Variants in POLRMT observed in about 807,000 individuals in gnomAD.
POLRMT encodes RNA polymerase mitochondrial, also known as DNA-directed RNA polymerase, mitochondrial.
A neutral mutation model predicts 132.2 loss-of-function variants in POLRMT; 114 were observed. That is an observed-to-expected ratio of 0.86 (90% CI 0.74 to 1.01). The LOEUF (loss-of-function observed/expected upper bound fraction) is 1.01, where lower values mean the gene tolerates loss of function less well. Among genes scored for constraint, POLRMT ranks in the 50% least tolerant of loss-of-function variants. POLRMT has a pLI of 0.00. For missense variants in POLRMT, 2,003 were observed against 1,729.1 expected (o/e 1.16, Z -2.81); for synonymous variants, 1,020 against 773.4 (o/e 1.32, Z -5.29).
In POLRMT at chr19:630,155, C is replaced by A. The variant is rs747583919; in HGVS notation, c.207G>T (p.Arg69=). The change falls in exon 3 of 21, where the codon CGG becomes CGT. Residue 69 remains arginine (R), a synonymous_variant. Transcript: ENST00000588649. ...HVELLEVLQA[R]VRQLQAESVS... is the part of the protein sequence containing the mutation. ...CGCTCTCAGCCTGCAGCTGCCGCAC[C>A]CGCGCCTGGAGCACTGTGAGGGGCA... 4 of 1,596,818 alleles carry A rather than the reference C, an allele frequency of 2.5e-6. No individual in the cohort carries two copies. Among genetic ancestry groups the A allele is most frequent in the Non-Finnish European group, 3.4e-6 (4 of 1,169,958 alleles).
At chr19:628,634 G>C (rs923235564) in intron 3 of POLRMT, among the ~76,000 whole-genome samples, 16 of 149,086 alleles carry the variant, frequency 1.1e-4, no homozygotes, top group Admixed American at 2.7e-4. Context: ...AGGATCATGG[G>C]GGGGGAGAAA....
intron 3 of POLRMT, among the ~76,000 whole-genome samples, chr19:627,205 G>A (rs1207862208): frequency 6.8e-6 from 1 of 146,696 alleles, no homozygotes; most frequent in East Asian, 2.0e-4. Context: ...AGGCTGGAGT[G>A]CAGTGGCTCG....
At chr19:617,350 T>C (rs1213818142) in intron 20 of POLRMT, 27 bp from the exon 21 acceptor site, 5 of 1,612,392 alleles carry the variant, frequency 3.1e-6, no homozygotes, top group Non-Finnish European at 4.2e-6. Context: ...GCGGACGGCG[T>C]GGGTGGCGGG....
intron 8 of POLRMT, 62 bp from the exon 9 acceptor site, chr19:622,435 C>A: frequency 1.4e-6 from 2 of 1,475,712 alleles, no homozygotes; most frequent in South Asian, 1.3e-5. Context: ...GCCCCACCGC[C>A]CGTGCCTGAC....
At chr19:631,957 T>C (rs956634845) in intron 2 of POLRMT, among the ~76,000 whole-genome samples, 2 of 152,202 alleles carry the variant, frequency 1.3e-5, no homozygotes, top group African/African-American at 4.8e-5. Flanking sequence ...GTATTTTTAG[T>C]AGAGACAGTG....
Position 624,847 on chromosome 19 carries a change from G to C in POLRMT, c.1012C>G (p.Leu338Val), listed in dbSNP as rs1204569170. 5 of 1,613,108 alleles carry C rather than the reference G, an allele frequency of 3.1e-6. No homozygotes were observed. The highest frequency in any genetic ancestry group is 2.7e-5 in the African/African-American group (2 of 74,930). ...GTGGCCCGATCCTCCTCAGACAGCA[G>C]AACGGCGGTGAAGAGTGCCTGCAGC... is the stretch of plus-strand genomic sequence containing the variant. ...LKLQALFTAV[L>V]LSEEDRATVL... The change falls in exon 5 of 21, where the codon CTG (leucine) becomes GTG (valine). Residue 338 changes from leucine (L) to valine (V), a missense_variant. By Grantham distance (32) the Leu-to-Val change is conservative. Coordinates refer to ENST00000588649, the MANE Select transcript of POLRMT (RefSeq NM_005035.4).
chr19:629,621 G>A lies in POLRMT; in HGVS notation c.741C>T (p.Val247=), dbSNP rs370208277. 6.2e-5 allele frequency: 100 copies of A among 1,608,484 alleles called. No homozygotes were observed. In the African/African-American group the frequency reaches 9.0e-4, roughly 14 times the overall value. Residue 247 remains valine, a synonymous_variant, in exon 3 of 21, where the codon GTC becomes GTT. Transcript: ENST00000588649. The part of the protein sequence containing the change: ...DQLPLAHHLL[V]VHHGQRQKRK... ...GCTTCTGCCGCTGGCCGTGGTGGAC[G>A]ACCAGCAGGTGGTGGGCGAGGGGCA...
rs749454599 is a variant in POLRMT at position 619,114 on chromosome 19, T to C, written c.3154-4A>G. On this transcript the variant is annotated splice_region_variant and splice_polypyrimidine_tract_variant and intron_variant, in intron 14 of 20. Transcript: ENST00000588649. ...GGGCACTCTCGGTCAGCCAGTGCTGTGGGACACAGGCCGTCTCAGGGCAGG... is the reference window on the plus strand; with the variant it reads ...GGGCACTCTCGGTCAGCCAGTGCTGCGGGACACAGGCCGTCTCAGGGCAGG... 27 of 1,611,384 alleles carry C rather than the reference T, an allele frequency of 1.7e-5. No homozygotes were observed. The highest frequency in any genetic ancestry group is 2.2e-5 in the Non-Finnish European group (26 of 1,179,194).
At position 633,451 on chromosome 19, in the gene POLRMT, C is replaced by T. The variant is rs768124029; in HGVS notation, c.62G>A (p.Gly21Asp). The T allele has an allele frequency of 3.8e-6, 6 of 1,559,490 alleles. No homozygotes were observed. Among genetic ancestry groups the T allele is most frequent in the Non-Finnish European group, 5.2e-6 (6 of 1,152,520 alleles). The change falls in exon 1 of 21, where the codon GGC becomes GAC. Residue 21 changes from glycine to aspartate, a missense_variant. Gly to Asp is a moderately conservative substitution (Grantham distance 94). Transcript: ENST00000588649. ...TTCTTTGCCGGGGAGTCCCGGGCGG[C>T]CGCAAGGCCGTAGGGCTCGTTTGAG... ...AGLKRALRPCGRPGLPGKEGT... is the reference protein window; with the variant it reads ...AGLKRALRPCDRPGLPGKEGT...
chr19:632,915 G>T lies in POLRMT; in HGVS notation c.112C>A (p.Pro38Thr). 1.3e-6 allele frequency: 2 copies of T among 1,527,440 alleles called. No homozygotes were observed. Among genetic ancestry groups the T allele is most frequent in the Non-Finnish European group, 8.8e-7 (1 of 1,142,288 alleles). 94.6% of individuals were successfully genotyped at this position (1,527,440 alleles called of 1,614,324 possible). The change falls in exon 2 of 21, where the codon CCC (proline) becomes ACC (threonine). Residue 38 changes from proline (P) to threonine (T), a missense_variant. Pro to Thr is a conservative substitution (Grantham distance 38, BLOSUM62 -1). Coordinates refer to ENST00000588649, the MANE Select transcript of POLRMT (RefSeq NM_005035.4). ...GGGCTGGCGGACGAGCTCCTCCTGG[G>T]GCCGCAGACGCCACCGGCGGTCCCT... ...KEGTAGGVCG[P>T]RRSSSASPQE...
Position 623,027 on chromosome 19 carries a change from G to A in POLRMT, c.1291-42C>T, listed in dbSNP as rs374948127. The A allele has an allele frequency of 4.3e-5, 69 of 1,600,260 alleles. No homozygotes were observed. The Middle Eastern group carries it at 6.7e-4, about 15-fold the overall frequency. ...GGCCCGGTGAGCCCCGTGGCAGCTG[G>A]TGGGACCCAGGCTCACAGGACGGGG... On this transcript the variant is annotated intron_variant, in intron 6 of 20. Coordinates refer to ENST00000588649, the MANE Select transcript of POLRMT (RefSeq NM_005035.4).
rs774381201 is a variant in POLRMT, at chr19:621,058, C to G, written c.2640G>C (p.Thr880=). Residue 880 remains threonine (T), a splice_region_variant and synonymous_variant, in exon 10 of 21, where the codon ACG becomes ACC. Transcript: ENST00000588649. ...DILDSADQPL[T]GRKWWMGAEE... is the part of the protein sequence containing the mutation. ...GGGAATGCGGGGGCCCCGCCCCTAC[C>G]GTCAAGGGTTGGTCCGCGGAGTCCA... 6.3e-7 allele frequency: 1 copy of G among 1,588,304 alleles called. No individual in the cohort carries two copies. Among genetic ancestry groups the G allele is most frequent in the Non-Finnish European group, 8.5e-7 (1 of 1,171,688 alleles).
rs780255027 is a variant in POLRMT at position 622,199 on chromosome 19, G to A, written c.1801C>T (p.Arg601Trp). ...CSLDKPHRSS[R>W]LVPVLYHVYS... ...ACGTGGTAGAGCACGGGGACAAGCC[G>A]AGAGGAACGATGCGGCTTGTCCAGG... Residue 601 changes from arginine (R) to tryptophan (W), a missense_variant, in exon 9 of 21, where the codon CGG becomes TGG. Coordinates refer to ENST00000588649, the MANE Select transcript of POLRMT (RefSeq NM_005035.4). 5.0e-6 allele frequency: 8 copies of A among 1,584,536 alleles called. No homozygotes were observed. The highest frequency in any genetic ancestry group is 3.4e-5 in the South Asian group (3 of 87,584).
chr19:619,354 T>TC (rs1984309997), intron 13 of POLRMT, 58 bp from the exon 14 acceptor site: 5 of 1,553,242 alleles, frequency 3.2e-6, no homozygotes, highest in South Asian at 1.1e-5. Context: ...CACGCCCTAC[T>TC]CCCCCCTATT....
chr19:633,305 G>C, intron 1 of POLRMT, 120 bp downstream of exon 1: 1 of 1,228,696 alleles, frequency 8.1e-7, no homozygotes, highest in Non-Finnish European at 1.1e-6. Flanking sequence ...GGGCCGGGTC[G>C]GTGGGCTGCG....
chr19:629,038 A>G (rs953583626), intron 3 of POLRMT, among the ~76,000 whole-genome samples: 1 of 152,150 alleles, frequency 6.6e-6, no homozygotes, highest in African/African-American at 2.4e-5. Context: ...AGAAAACGGC[A>G]AGGGAAATTG....
chr19:618,257 G>T, intron 17 of POLRMT: 1 of 565,016 alleles, frequency 1.8e-6, no homozygotes, highest in East Asian at 2.9e-5. Context: ...CAGCAGGAAG[G>T]GGCAGCGCCC....
intron 5 of POLRMT, among the ~76,000 whole-genome samples, 180 bp from the exon 6 acceptor site, chr19:623,783 C>G (rs1313861567): frequency 6.6e-6 from 1 of 152,206 alleles, no homozygotes; most frequent in African/African-American, 2.4e-5. Context: ...AACCAAAGGC[C>G]TTGACCCTCC....
Position 621,090 on chromosome 19 carries a change from C to G in POLRMT, c.2608G>C (p.Asp870His), listed in dbSNP as rs139383492. 7.5e-6 allele frequency: 12 copies of G among 1,609,420 alleles called. No homozygotes were observed. Among genetic ancestry groups the G allele is most frequent in the Middle Eastern group, 3.5e-4 (2 of 5,732 alleles). Reference protein sequence around the residue: ...RLAFAEEVMDDILDSADQPLT... With the variant: ...RLAFAEEVMDHILDSADQPLT... ...GGTTGGTCCGCGGAGTCCAGGATGT[C>G]ATCCATCACCTCCTCCGCAAAGGCC... The change falls in exon 10 of 21, where the codon GAC becomes CAC. Residue 870 changes from aspartate (D) to histidine (H), a missense_variant. Asp to His is a moderately conservative substitution (Grantham distance 81). Transcript: ENST00000588649.
Sources: allele counts gnomAD v4.1 joint callset (sites outside exome capture counted in the v4.1 genomes callset), GRCh38; gene constraint gnomAD v4.1.1; transcripts MANE v1.5; gene names NCBI Gene and HGNC (gene_info 2026-07-23, HGNC 2026-07-21).